The following NRXN3 variants were observed in gnomAD, a reference collection of about 807,000 sequenced individuals.
NRXN3 encodes the protein neurexin 3.
In NRXN3, 32 loss-of-function variants were observed where a neutral mutation model predicts 137.6. That is an observed-to-expected ratio of 0.23 (90% CI 0.18 to 0.31). The LOEUF is 0.31. Ranked by LOEUF, NRXN3 falls within the 10% of genes least tolerant of loss-of-function variation. The pLI is 1.00. For synonymous variants in NRXN3, 798 were observed against 784.5 expected (o/e 1.02, Z -0.29); for missense variants, 1,574 against 2,062.5 (o/e 0.76, Z 4.59).
intron 16 of NRXN3, among the ~76,000 whole-genome samples, chr14:79,487,107 T>G (rs1464393968): frequency 1.3e-5 from 2 of 152,076 alleles, no homozygotes; most frequent in Non-Finnish European, 2.9e-5. Flanking sequence ...GGCAAATTAT[T>G]TATCTATGAC....
chr14:78,519,306 T>G (rs2096254499), intron 4 of NRXN3, among the ~76,000 whole-genome samples: 1 of 152,174 alleles, frequency 6.6e-6, no homozygotes, highest in South Asian at 2.1e-4. Flanking sequence ...TGGGCTCTGA[T>G]AAGTATGTAC....
intron 15 of NRXN3, among the ~76,000 whole-genome samples, chr14:79,404,080 C>A (rs1312848544): frequency 6.6e-6 from 1 of 152,142 alleles, no homozygotes; most frequent in African/African-American, 2.4e-5. Flanking sequence ...AAAGCGATTA[C>A]AACAGCAGCA....
intron 14 of NRXN3, among the ~76,000 whole-genome samples, chr14:78,981,006 G>T (rs1374898570): frequency 6.6e-6 from 1 of 151,926 alleles, no homozygotes; most frequent in Non-Finnish European, 1.5e-5. Context: ...TAATGACAAT[G>T]ATAAAAAAAG....
intron 15 of NRXN3, among the ~76,000 whole-genome samples, chr14:79,462,492 GAT>G (rs34471708): frequency 2.3e-5 from 3 of 128,754 alleles, no homozygotes; most frequent in Admixed American, 8.6e-5. Context: ...AGGCTATTTT[GAT>G]ATATATATAT....
chr14:79,612,962 T>G (rs533742709), intron 16 of NRXN3, among the ~76,000 whole-genome samples: 4 of 152,244 alleles, frequency 2.6e-5, no homozygotes, highest in Non-Finnish European at 5.9e-5. Context: ...ATTTCTCACC[T>G]TTTCTAACAG....
intron 1 of NRXN3, among the ~76,000 whole-genome samples, chr14:78,230,394 G>T (rs867266286): frequency 1.3e-5 from 2 of 151,992 alleles, no homozygotes; most frequent in African/African-American, 4.8e-5. Flanking sequence ...AAGTCTAGTT[G>T]TTTGTCGGGA....
At chr14:79,105,780 A>C (rs1327729502) in intron 15 of NRXN3, among the ~76,000 whole-genome samples, 1 of 152,176 alleles carries the variant, frequency 6.6e-6, no homozygotes, top group Non-Finnish European at 1.5e-5. Context: ...ACTGGAGAGA[A>C]TGTCAAAGGT....
intron 10 of NRXN3, among the ~76,000 whole-genome samples, chr14:78,947,321 G>T (rs1020874282): frequency 6.6e-6 from 1 of 152,132 alleles, no homozygotes; most frequent in African/African-American, 2.4e-5. Flanking sequence ...ACTTTCTATT[G>T]TAGGAAGGAG....
chr14:79,280,449 C>G (rs199771471), intron 15 of NRXN3: 2 of 1,614,008 alleles, frequency 1.2e-6, no homozygotes, highest in Non-Finnish European at 1.7e-6. Flanking sequence ...GGGTCTCACT[C>G]TCAGCACGAG....
intron 4 of NRXN3, among the ~76,000 whole-genome samples, chr14:78,630,581 TTTTCTTTC>T (rs1205052588): frequency 6.8e-6 from 1 of 146,644 alleles, no homozygotes; most frequent in Non-Finnish European, 1.5e-5. Context: ...CTCTTCTTAT[TTTTCTTTC>T]TTTCTTTCTT....
chr14:79,303,995 C>A (rs192120405), intron 15 of NRXN3, among the ~76,000 whole-genome samples: 2 of 152,020 alleles, frequency 1.3e-5, no homozygotes, highest in Non-Finnish European at 2.9e-5. Flanking sequence ...TTGCTTAATA[C>A]GTTAAGGTTT....
At position 78,954,767 on chromosome 14, in the gene NRXN3, GTTTT is replaced by G. The variant is rs531410595; in HGVS notation, c.2276-2455_2276-2452del. On this transcript the variant is annotated intron_variant, in intron 10 of 20. Transcript: ENST00000335750. ...GGCGTGAGCCACTGCACCTGGCCTGGTTTTTTTTTTTTTTTTTTTTTTTACATTT... is the reference window on the plus strand; with the variant it reads ...GGCGTGAGCCACTGCACCTGGCCTGGTTTTTTTTTTTTTTTTTTTACATTT... Among the ~76,000 whole-genome samples the G allele has an allele frequency of 2.5e-3, 325 of 130,384 alleles. 1 individual carries two copies. The highest frequency in any genetic ancestry group is 7.8e-3 in the African/African-American group (275 of 35,412). The allele number at this position is 130,384 out of a possible 152,430, so 85.5% of individuals were successfully genotyped here.
At chr14:79,697,098 C>CT (rs1408087957) in intron 18 of NRXN3, among the ~76,000 whole-genome samples, 6 of 151,946 alleles carry the variant, frequency 3.9e-5, no homozygotes, top group Non-Finnish European at 7.4e-5. Context: ...TTCATTTTTA[C>CT]AAGTATGCAA....
At chr14:79,097,403 G>A (rs1212374453) in intron 15 of NRXN3, among the ~76,000 whole-genome samples, 2 of 152,108 alleles carry the variant, frequency 1.3e-5, no homozygotes, top group Non-Finnish European at 2.9e-5. Flanking sequence ...GCTTTCCAAG[G>A]GTAAGCATGG....
At chr14:78,822,100 C>G (rs1474284521) in intron 10 of NRXN3, among the ~76,000 whole-genome samples, 1 of 152,156 alleles carries the variant, frequency 6.6e-6, no homozygotes, top group East Asian at 1.9e-4. Context: ...TCTTTCCCCT[C>G]TTCATATCTT....
Position 79,390,341 on chromosome 14 carries a change from G to A in NRXN3, c.3263-76880G>A, listed in dbSNP as rs948035893. Among the ~76,000 whole-genome samples, 4 of 150,054 alleles carry A rather than the reference G, an allele frequency of 2.7e-5. No homozygotes were observed. In the Admixed American group the frequency reaches 2.7e-4, roughly 10 times the overall value. ...CAAAAAAAAAAAAAAAAACCTACAT[G>A]AATTATTCTTCCTGTGACATATTTG... On this transcript the variant is annotated intron_variant, in intron 15 of 20. Transcript: ENST00000335750.
rs118061881 is a variant in NRXN3 at position 79,156,894 on chromosome 14, C to A, written c.3262+168753C>A. ...TCATATACTTCTTCATTGTGAATGGCTGTCCTCTGCATGGTAGAATGTATA... is the reference window on the plus strand; with the variant it reads ...TCATATACTTCTTCATTGTGAATGGATGTCCTCTGCATGGTAGAATGTATA... On this transcript the variant is annotated intron_variant, in intron 15 of 20. Coordinates refer to ENST00000335750, the MANE Select transcript of NRXN3 (RefSeq NM_001330195.2). Among the ~76,000 whole-genome samples, 521 of 151,942 alleles carry A rather than the reference C, an allele frequency of 3.4e-3. 18 individuals are homozygous for A. In the East Asian group the frequency reaches 0.075, roughly 22 times the overall value.
chr14:78,897,130 A>G (rs1363570009), intron 10 of NRXN3, among the ~76,000 whole-genome samples: 1 of 151,894 alleles, frequency 6.6e-6, no homozygotes, highest in African/African-American at 2.4e-5. Context: ...TATTTGATAT[A>G]TGACTTTTTA....
At chr14:78,509,231 A>G (rs752593039) in intron 4 of NRXN3, among the ~76,000 whole-genome samples, 10 of 152,122 alleles carry the variant, frequency 6.6e-5, no homozygotes, top group Non-Finnish European at 1.0e-4. Flanking sequence ...CCCGGGAGGC[A>G]GAGGTTACAG....
Sources: gnomAD v4.1 joint callset for allele counts (sites outside exome capture counted in the v4.1 genomes callset) on GRCh38, gnomAD v4.1.1 for gene constraint, MANE v1.5 for transcripts, NCBI Gene and HGNC (gene_info 2026-07-23, HGNC 2026-07-21) for gene names.